The following MLC1 variants were observed in gnomAD, a reference collection of about 807,000 sequenced individuals.
The protein encoded by MLC1 is modulator of VRAC current 1.
MLC1 carries 32 observed loss-of-function variants against 44.7 expected under a neutral mutation model. The observed-to-expected ratio is 0.72, with a 90% CI of 0.54 to 0.96. The LOEUF (loss-of-function observed/expected upper bound fraction) is 0.96, where lower values mean the gene tolerates loss of function less well. Ranked by LOEUF, MLC1 falls within the 40% of genes least tolerant of loss-of-function variation. The probability of loss-of-function intolerance (pLI) is 0.00; values close to 1 mark genes in which losing one functional copy is unlikely to be tolerated. For synonymous variants in MLC1, 190 were observed against 213.0 expected (o/e 0.89, Z 0.94); for missense variants, 459 against 492.2 (o/e 0.93, Z 0.64).
intron 2 of MLC1, among the ~76,000 whole-genome samples, chr22:50,084,236 C>T (rs1265869262): frequency 1.3e-5 from 2 of 152,150 alleles, no homozygotes; most frequent in East Asian, 3.9e-4. Context: ...GGAAATCCCT[C>T]GGACATCTGG....
Position 50,061,573 on chromosome 22 carries a change from C to A in MLC1, c.*10G>T. ...GCTGGGCGCTGCCACCCGGTTTCCG[C>A]GTCTGGGGGTCACTGGGCCATTTGC... On this transcript the variant is annotated 3_prime_UTR_variant, in exon 12 of 12. Transcript: ENST00000311597. The A allele has an allele frequency of 1.2e-6, 2 of 1,613,368 alleles. No homozygotes were observed. Among genetic ancestry groups the A allele is most frequent in the Non-Finnish European group, 1.7e-6 (2 of 1,179,808 alleles).
At chr22:50,063,805 AGCACCTGCACCG>A (rs1376703353) in intron 11 of MLC1, among the ~76,000 whole-genome samples, 25 of 90,090 alleles carry the variant, frequency 2.8e-4, no homozygotes, top group Admixed American at 4.2e-4. Flanking sequence ...TCACCTCCCC[AGCACCTGCACCG>A]CAGGCCACTC....
chr22:50,075,728 AAAG>A (rs2061964474), intron 7 of MLC1, among the ~76,000 whole-genome samples: 1 of 152,142 alleles, frequency 6.6e-6, no homozygotes, highest in African/African-American at 2.4e-5. Context: ...GAAAAAAAAA[AAAG>A]AAGCAGAACG....
chr22:50,084,629 T>C (rs1453702807), intron 2 of MLC1, 97 bp downstream of exon 2: 1 of 1,336,814 alleles, frequency 7.5e-7, no homozygotes, highest in Non-Finnish European at 1.1e-6. Flanking sequence ...TGAGAGTTGC[T>C]CTCTCTGTCC....
intron 3 of MLC1, among the ~76,000 whole-genome samples, chr22:50,081,009 A>AAAAGAAAGAAAG (rs757266134): frequency 0.071 from 6,835 of 96,736 alleles, 476 homozygotes; most frequent in Admixed American, 0.11. Flanking sequence ...TTGTCTCAAA[A>AAAAGAAAGAAAG]AAAGAAAGAA....
At chr22:50,080,144 T>G in intron 4 of MLC1, 125 bp from the exon 5 acceptor site, 1 of 1,015,502 alleles carries the variant, frequency 9.8e-7, no homozygotes, top group South Asian at 1.4e-5. Context: ...TGGGGAGTCC[T>G]GCGTGCTCAG....
In MLC1 at chr22:50,068,517, C is replaced by T. The variant is rs765368024; in HGVS notation, c.810G>A (p.Pro270=). 6.2e-6 allele frequency: 10 copies of T among 1,611,060 alleles called. No individual in the cohort carries two copies. The highest frequency in any genetic ancestry group is 1.3e-5 in the African/African-American group (1 of 74,772). ...GATATCCAGAGGCTGTGAACAGCAG[C>T]GGAGACGTGAGGCTGCTTATGGCAA... is the stretch of plus-strand genomic sequence containing the variant. ...VLIAISSLTS[P]LLFTASGYLS... The change falls in exon 10 of 12, where the codon CCG becomes CCA. Residue 270 remains proline (P), a synonymous_variant. Transcript: ENST00000311597.
chr22:50,076,729 G>A (rs1602034251), intron 7 of MLC1, 112 bp downstream of exon 7: 3 of 1,118,450 alleles, frequency 2.7e-6, no homozygotes, highest in East Asian at 2.4e-5. Flanking sequence ...CCGCCATGCG[G>A]TGTAGACAGC....
At chr22:50,063,741 G>GC in intron 11 of MLC1, among the ~76,000 whole-genome samples, 2 of 81,122 alleles carry the variant, frequency 2.5e-5, no homozygotes, top group South Asian at 4.7e-4. Context: ...CACCTCCCCA[G>GC]TGCCCCCACC....
intron 11 of MLC1, 39 bp from the exon 12 acceptor site, chr22:50,061,696 C>T (rs775411376): frequency 1.3e-6 from 2 of 1,582,588 alleles, no homozygotes; most frequent in Non-Finnish European, 8.7e-7. Flanking sequence ...TCACCAGGGC[C>T]ACCTGTGCGG....
chr22:50,068,353 C>A, intron 10 of MLC1, 80 bp downstream of exon 10: 6 of 1,578,098 alleles, frequency 3.8e-6, no homozygotes, highest in Non-Finnish European at 5.2e-6. Flanking sequence ...CCCCCAGAGT[C>A]CCAGGCAAAG....
At chr22:50,061,964 G>A (rs1340681727) in intron 11 of MLC1, among the ~76,000 whole-genome samples, 1 of 152,230 alleles carries the variant, frequency 6.6e-6, no homozygotes, top group East Asian at 1.9e-4. Context: ...GCCGCCCAAG[G>A]TTGGGCATGT....
At chr22:50,062,244 A>ACCCTGAGCCCCAG (rs1569240741) in intron 11 of MLC1, among the ~76,000 whole-genome samples, 7 of 70,310 alleles carry the variant, frequency 1.0e-4, no homozygotes, top group Non-Finnish European at 1.7e-4. Flanking sequence ...CTGAGCCCCA[A>ACCCTGAGCCCCAG]CCGCCCACCC....
chr22:50,068,505 T>C lies in MLC1; in HGVS notation c.822A>G (p.Thr274=). Residue 274 remains threonine (T), a synonymous_variant, in exon 10 of 12, where the codon ACA becomes ACG. Coordinates refer to ENST00000311597, the MANE Select transcript of MLC1 (RefSeq NM_015166.4). Reference sequence around the variant, plus strand: ...TGCTGAATGACAGATATCCAGAGGCTGTGAACAGCAGCGGAGACGTGAGGC... The same window carrying C: ...TGCTGAATGACAGATATCCAGAGGCCGTGAACAGCAGCGGAGACGTGAGGC... ...ISSLTSPLLF[T]ASGYLSFSIM... 1 of 1,613,834 alleles carries C rather than the reference T, an allele frequency of 6.2e-7. No homozygotes were observed. The highest frequency in any genetic ancestry group is 8.5e-7 in the Non-Finnish European group (1 of 1,179,854).
chr22:50,077,461 G>A lies in MLC1; in HGVS notation c.465C>T (p.Leu155=). 1 of 1,613,932 alleles carries A rather than the reference G, an allele frequency of 6.2e-7. No individual in the cohort carries two copies. The highest frequency in any genetic ancestry group is 1.1e-5 in the South Asian group (1 of 91,050). Residue 155 remains leucine, a synonymous_variant, in exon 6 of 12, where the codon CTC becomes CTT. Coordinates refer to ENST00000311597, the MANE Select transcript of MLC1 (RefSeq NM_015166.4). ...NLILLLLLEL[L]MAATVIIAAR... is the part of the protein sequence containing the mutation. ...CAGCGATGATCACCGTGGCCGCCAT[G>A]AGCAGCTCCAGCAGGAGCAGCAGGA...
In MLC1 at chr22:50,083,741, C is replaced by T. The variant is rs149075999; in HGVS notation, c.178-568G>A. On this transcript the variant is annotated intron_variant, in intron 2 of 11. Coordinates refer to ENST00000311597, the MANE Select transcript of MLC1 (RefSeq NM_015166.4). This position sits in a 1 kb window ranked among gnomAD's most constrained non-coding sequence, Gnocchi z 4.6. ...GCGGTGGGGAGGGGGCTCTCTCTCA[C>T]GCACAGCACCCCCGGGGTGAGTCTG... Among the ~76,000 whole-genome samples, 336 of 152,216 alleles carry T rather than the reference C, an allele frequency of 2.2e-3. 2 individuals carry two copies. Among genetic ancestry groups the T allele is most frequent in the African/African-American group, 7.6e-3 (315 of 41,526 alleles).
chr22:50,080,460 C>G, intron 3 of MLC1, 63 bp from the exon 4 acceptor site: 1 of 1,496,918 alleles, frequency 6.7e-7, no homozygotes, highest in Non-Finnish European at 9.1e-7. Context: ...CTCTGAAATA[C>G]TCTAACATTT....
At chr22:50,063,478 A>AG (rs2061615512) in intron 11 of MLC1, among the ~76,000 whole-genome samples, 1 of 116,908 alleles carries the variant, frequency 8.6e-6, no homozygotes, top group African/African-American at 2.8e-5. Flanking sequence ...TTCTCAAAAA[A>AG]AAAAAAAAAA....
intron 11 of MLC1, among the ~76,000 whole-genome samples, chr22:50,063,481 A>AG: frequency 6.6e-6 from 1 of 151,232 alleles, no homozygotes; most frequent in Admixed American, 6.6e-5. Context: ...TCAAAAAAAA[A>AG]AAAAAAAAAG....
Sources: allele counts gnomAD v4.1 joint callset (sites outside exome capture counted in the v4.1 genomes callset), GRCh38; gene constraint gnomAD v4.1.1; non-coding constraint Gnocchi (gnomAD v3.1); transcripts MANE v1.5; gene names NCBI Gene and HGNC (gene_info 2026-07-23, HGNC 2026-07-21).